PCDHA2: variants seen among roughly 807,000 people sequenced by gnomAD.
PCDHA2 encodes the protein protocadherin alpha-2.
PCDHA2 carries 58 observed loss-of-function variants against 66.0 expected under a neutral mutation model. The ratio of observed to expected loss-of-function variants is 0.88; its 90% CI spans 0.71 to 1.09. The LOEUF (loss-of-function observed/expected upper bound fraction) is 1.09, where lower values mean the gene tolerates loss of function less well. PCDHA2 is among the 50% of genes least tolerant of loss of function. The probability of loss-of-function intolerance (pLI) is 0.00; values close to 1 mark genes in which losing one functional copy is unlikely to be tolerated. For missense variants in PCDHA2, 1,267 were observed against 1,242.3 expected (o/e 1.02, Z -0.30); for synonymous variants, 634 against 554.0 (o/e 1.14, Z -2.03).
intron 1 of PCDHA2, among the ~76,000 whole-genome samples, chr5:140,903,649 T>C (rs1335268583): frequency 6.6e-6 from 1 of 152,236 alleles, no homozygotes; most frequent in Non-Finnish European, 1.5e-5. Context: ...CATATACATA[T>C]ATTATAAATT....
chr5:140,797,150 AG>A lies in PCDHA2; in HGVS notation c.2189del (p.Gly730ValfsTer65), dbSNP rs1257928448. 3 of 1,613,768 alleles carry A rather than the reference AG, an allele frequency of 1.9e-6. No homozygotes were observed. The highest frequency in any genetic ancestry group is 1.3e-5 in the African/African-American group (1 of 74,902). ...TALRCSVPPT[E>X]GARAPGKPTL... Reference sequence around the variant, plus strand: ...CTGCGGTGCTCGGTGCCACCCACCGAGGGTGCGCGCGCGCCAGGAAAGCCCA... The same window carrying A: ...CTGCGGTGCTCGGTGCCACCCACCGAGGTGCGCGCGCGCCAGGAAAGCCCA... On this transcript the variant is annotated frameshift_variant, in exon 1 of 4. Coordinates refer to ENST00000526136, the MANE Select transcript of PCDHA2 (RefSeq NM_018905.3). LOFTEE classifies it high-confidence loss of function.
chr5:140,808,420 T>G, intron 1 of PCDHA2: 1 of 1,614,142 alleles, frequency 6.2e-7, no homozygotes, highest in Non-Finnish European at 8.5e-7. Flanking sequence ...TGCTGGACAG[T>G]GCCCTGGACC....
chr5:140,842,874 A>C lies in PCDHA2; in HGVS notation c.2388+45522A>C, dbSNP rs2150346972. 38 of 1,593,708 alleles carry C rather than the reference A, an allele frequency of 2.4e-5. 5 individuals carry two copies. The highest frequency in any genetic ancestry group is 2.3e-4 in the African/African-American group (17 of 74,204). On this transcript the variant is annotated intron_variant, in intron 1 of 3. Coordinates refer to ENST00000526136, the MANE Select transcript of PCDHA2 (RefSeq NM_018905.3). Reference sequence around the variant, plus strand: ...GTGCACACGGAGAGCGGCAAGGTGTACGCGCTGCAGCCGCTGGACCACGAG... The same window carrying C: ...GTGCACACGGAGAGCGGCAAGGTGTCCGCGCTGCAGCCGCTGGACCACGAG...
In PCDHA2 at chr5:140,828,686, T is replaced by C. The variant is rs184176193; in HGVS notation, c.2388+31334T>C. 17 of 1,614,164 alleles carry C rather than the reference T, an allele frequency of 1.1e-5. No homozygotes were observed. Among genetic ancestry groups the C allele is most frequent in the Admixed American group, 3.3e-5 (2 of 60,022 alleles). On this transcript the variant is annotated intron_variant, in intron 1 of 3. Transcript: ENST00000526136. ...ACAAATTGGGCTCTTATTAAAGAAA[T>C]CCTTGGACAGAGAGGAAGCTCCTGC...
At chr5:140,801,694 C>G (rs35124371) in intron 1 of PCDHA2, 68 of 1,613,998 alleles carry the variant, frequency 4.2e-5, no homozygotes, top group Non-Finnish European at 5.7e-5. Flanking sequence ...GGAACAAATT[C>G]GTTGTTGACT....
chr5:140,927,948 C>G, intron 1 of PCDHA2: 4 of 1,614,190 alleles, frequency 2.5e-6, no homozygotes, highest in Non-Finnish European at 3.4e-6. Flanking sequence ...TACCTGAGGA[C>G]GCTGCCCCTG....
At chr5:140,999,806 A>G (rs1230100139) in intron 3 of PCDHA2, among the ~76,000 whole-genome samples, 1 of 152,152 alleles carries the variant, frequency 6.6e-6, no homozygotes, top group African/African-American at 2.4e-5. Context: ...TTTGGGCACA[A>G]AGCAAGAGCT....
chr5:140,996,976 G>T (rs573896136), intron 3 of PCDHA2, among the ~76,000 whole-genome samples: 1 of 151,960 alleles, frequency 6.6e-6, no homozygotes, highest in Non-Finnish European at 1.5e-5. Context: ...CTCCCCTTTG[G>T]TGAAGCAACC....
At chr5:140,882,016 A>C (rs1403488174) in intron 1 of PCDHA2, 1 of 543,846 alleles carries the variant, frequency 1.8e-6, no homozygotes, top group Non-Finnish European at 3.0e-6. Flanking sequence ...AAAAAATACT[A>C]CATCAATGGA....
At chr5:140,995,267 C>T (rs552857413) in intron 3 of PCDHA2, among the ~76,000 whole-genome samples, 1 of 152,192 alleles carries the variant, frequency 6.6e-6, no homozygotes, top group Non-Finnish European at 1.5e-5. Context: ...GAATACAAGC[C>T]CTTTGATACC....
intron 1 of PCDHA2, among the ~76,000 whole-genome samples, chr5:140,900,920 T>G (rs539511607): frequency 2.0e-5 from 3 of 152,204 alleles, no homozygotes; most frequent in Non-Finnish European, 4.4e-5. Context: ...TAAGATGATA[T>G]CTCATTGTAG....
chr5:140,801,304 C>T, intron 1 of PCDHA2: 3 of 1,613,470 alleles, frequency 1.9e-6, no homozygotes, highest in Non-Finnish European at 2.5e-6. Context: ...TACTCCGTCT[C>T]TGAGGAGGCC....
chr5:140,890,776 A>T (rs1554184541), intron 1 of PCDHA2, among the ~76,000 whole-genome samples: 2 of 152,198 alleles, frequency 1.3e-5, no homozygotes, highest in Non-Finnish European at 2.9e-5. Context: ...TTAAAACCCC[A>T]TAAGATATTA....
chr5:140,796,185 G>A lies in PCDHA2; in HGVS notation c.1221G>A (p.Leu407=). 1 of 1,614,218 alleles carries A rather than the reference G, an allele frequency of 6.2e-7. No homozygotes were observed. Among genetic ancestry groups the A allele is most frequent in the Non-Finnish European group, 8.5e-7 (1 of 1,180,044 alleles). Residue 407 remains leucine, a synonymous_variant, in exon 1 of 4, where the codon TTG becomes TTA. Coordinates refer to ENST00000526136, the MANE Select transcript of PCDHA2 (RefSeq NM_018905.3). ...CCACCTTCAAGAATTACTACTCGTTGGTGCTGGACAGCGCCCTGGACCGCG... is the reference window on the plus strand; with the variant it reads ...CCACCTTCAAGAATTACTACTCGTTAGTGCTGGACAGCGCCCTGGACCGCG... ...LVSTFKNYYS[L]VLDSALDRES...
At chr5:140,968,781 C>G in intron 1 of PCDHA2, 1 of 1,614,182 alleles carries the variant, frequency 6.2e-7, no homozygotes. Context: ...TCACTATCAG[C>G]CTCTGTGGCC....
chr5:140,841,710 C>A (rs2150321322), intron 1 of PCDHA2: 2 of 1,613,738 alleles, frequency 1.2e-6, no homozygotes, highest in African/African-American at 2.7e-5. Flanking sequence ...AATGACAACC[C>A]GCCAGTGTTC....
intron 1 of PCDHA2, chr5:140,841,629 G>T: frequency 6.2e-7 from 1 of 1,614,156 alleles, no homozygotes; most frequent in Non-Finnish European, 8.5e-7. Flanking sequence ...GCGGAGTGCA[G>T]CATCCACCTG....
At chr5:140,941,248 T>TTTCTTTCG (rs1563187616) in intron 1 of PCDHA2, among the ~76,000 whole-genome samples, 2 of 141,492 alleles carry the variant, frequency 1.4e-5, no homozygotes, top group Non-Finnish European at 3.1e-5. Context: ...TCTTTCTTTC[T>TTTCTTTCG]TTCTTTCTCT....
intron 1 of PCDHA2, chr5:140,926,550 C>A (rs1235832737): frequency 1.7e-5 from 4 of 233,488 alleles, no homozygotes; most frequent in Admixed American, 5.6e-5. Context: ...TGGTCGAGAC[C>A]CCAGCCCGCT....
Sources: allele counts gnomAD v4.1 joint callset (sites outside exome capture counted in the v4.1 genomes callset), GRCh38; gene constraint gnomAD v4.1.1; transcripts MANE v1.5; gene names NCBI Gene and HGNC (gene_info 2026-07-23, HGNC 2026-07-21).